Variants in CDH8 observed in about 807,000 individuals in gnomAD.
CDH8 encodes cadherin-8.
In CDH8, 17 loss-of-function variants were observed where a neutral mutation model predicts 68.1. That is an observed-to-expected ratio of 0.25 (90% CI 0.17 to 0.37). The LOEUF (loss-of-function observed/expected upper bound fraction) is 0.37. Ranked by LOEUF, CDH8 falls within the 10% of genes least tolerant of loss-of-function variation. The probability of loss-of-function intolerance (pLI) is 1.00; values close to 1 mark genes in which losing one functional copy is unlikely to be tolerated. For synonymous variants in CDH8, 372 were observed against 365.1 expected (o/e 1.02, Z -0.21); for missense variants, 763 against 999.3 (o/e 0.76, Z 3.19).
intron 4 of CDH8, among the ~76,000 whole-genome samples, chr16:61,829,984 A>C (rs1234628352): frequency 6.6e-6 from 1 of 151,804 alleles, no homozygotes; most frequent in African/African-American, 2.4e-5. Context: ...ATATTACTTA[A>C]CTTTACTATT....
At chr16:61,779,733 C>T (rs1960998829) in intron 8 of CDH8, among the ~76,000 whole-genome samples, 1 of 152,114 alleles carries the variant, frequency 6.6e-6, no homozygotes, top group Non-Finnish European at 1.5e-5. Flanking sequence ...TTCCAAAGTT[C>T]TGCTATGTTT....
chr16:61,739,684 T>C (rs967541552), intron 8 of CDH8, among the ~76,000 whole-genome samples: 1 of 147,458 alleles, frequency 6.8e-6, no homozygotes, highest in African/African-American at 2.5e-5. Context: ...AACGAAATCA[T>C]GCCACTACAC....
At chr16:61,873,871 C>T (rs1483060831) in intron 3 of CDH8, among the ~76,000 whole-genome samples, 4 of 152,116 alleles carry the variant, frequency 2.6e-5, no homozygotes, top group Admixed American at 6.5e-5. Context: ...GCCTGATCAA[C>T]ATGGTGAAAC....
chr16:61,776,085 G>T (rs1389081895), intron 8 of CDH8, among the ~76,000 whole-genome samples: 8 of 152,088 alleles, frequency 5.3e-5, no homozygotes, highest in Non-Finnish European at 1.0e-4. Flanking sequence ...CAAGCACCAG[G>T]TTTCATCTGG....
At chr16:61,883,198 C>G (rs1338869502) in intron 3 of CDH8, among the ~76,000 whole-genome samples, 1 of 152,110 alleles carries the variant, frequency 6.6e-6, no homozygotes, top group African/African-American at 2.4e-5. Flanking sequence ...TTTTGTATAG[C>G]ATGTTGCCCA....
intron 8 of CDH8, among the ~76,000 whole-genome samples, chr16:61,766,819 T>G (rs1960608804): frequency 6.6e-6 from 1 of 151,994 alleles, no homozygotes; most frequent in African/African-American, 2.4e-5. Flanking sequence ...TGTTAGGAAA[T>G]TATGCTAAAA....
intron 4 of CDH8, among the ~76,000 whole-genome samples, chr16:61,842,537 A>T (rs1962709301): frequency 6.6e-6 from 1 of 152,118 alleles, no homozygotes; most frequent in African/African-American, 2.4e-5. Context: ...GTTTATTATA[A>T]ATTATCCAGT....
At chr16:61,843,628 AAC>A (rs1962734714) in intron 4 of CDH8, among the ~76,000 whole-genome samples, 1 of 152,190 alleles carries the variant, frequency 6.6e-6, no homozygotes, top group African/African-American at 2.4e-5. Flanking sequence ...CTCTCTCAGA[AAC>A]AGTGACCACT....
At chr16:61,872,885 G>A (rs1176488207) in intron 3 of CDH8, among the ~76,000 whole-genome samples, 1 of 152,178 alleles carries the variant, frequency 6.6e-6, no homozygotes. Context: ...AGAAGGCACA[G>A]AAGCAAGAAG....
chr16:61,660,088 A>G (rs1389633240), intron 10 of CDH8, among the ~76,000 whole-genome samples: 2 of 152,166 alleles, frequency 1.3e-5, no homozygotes, highest in Non-Finnish European at 2.9e-5. Context: ...GTGAAACATC[A>G]TGGGTTTAAT....
chr16:62,027,137 GT>G (rs1902215379), intron 1 of CDH8, among the ~76,000 whole-genome samples: 1 of 152,142 alleles, frequency 6.6e-6, no homozygotes, highest in Non-Finnish European at 1.5e-5. Flanking sequence ...AGATTTTACA[GT>G]TTCTCTGGAA....
At chr16:61,681,522 G>A (rs1964011900) in intron 10 of CDH8, among the ~76,000 whole-genome samples, 1 of 150,868 alleles carries the variant, frequency 6.6e-6, no homozygotes, top group South Asian at 2.1e-4. Flanking sequence ...AGCTCGTGGT[G>A]TAAACAGAAA....
intron 2 of CDH8, among the ~76,000 whole-genome samples, chr16:61,941,868 A>C (rs1290841603): frequency 6.6e-6 from 1 of 151,974 alleles, no homozygotes; most frequent in African/African-American, 2.4e-5. Context: ...TAGCATCCTC[A>C]ATTTTCTCTA....
chr16:61,943,071 A>G (rs1365182929), intron 2 of CDH8, among the ~76,000 whole-genome samples: 1 of 152,184 alleles, frequency 6.6e-6, no homozygotes, highest in Non-Finnish European at 1.5e-5. Context: ...CAAAAAGACA[A>G]AATCAAACCA....
intron 2 of CDH8, among the ~76,000 whole-genome samples, chr16:61,905,684 T>C (rs1313577129): frequency 6.6e-6 from 1 of 152,092 alleles, no homozygotes; most frequent in East Asian, 1.9e-4. Flanking sequence ...GTAAGAGCCA[T>C]GCTAAGAGAG....
At chr16:61,726,545 T>C (rs1010014721) in intron 9 of CDH8, 2 of 151,058 alleles carry the variant, frequency 1.3e-5, no homozygotes, top group African/African-American at 4.9e-5. Flanking sequence ...GACCCATCTA[T>C]GCAATATGAG....
chr16:61,779,110 A>G (rs1341247762), intron 8 of CDH8, among the ~76,000 whole-genome samples: 1 of 152,178 alleles, frequency 6.6e-6, no homozygotes, highest in East Asian at 1.9e-4. Flanking sequence ...CAGGTAACCA[A>G]TAGTCATGTA....
chr16:61,692,263 T>C (rs1024193502), intron 10 of CDH8: 5 of 152,180 alleles, frequency 3.3e-5, no homozygotes, highest in African/African-American at 1.2e-4. Flanking sequence ...GATTTTTACC[T>C]CTGTCTGTGG....
At chr16:61,702,119 T>C (rs1175420851) in intron 10 of CDH8, among the ~76,000 whole-genome samples, 4 of 152,196 alleles carry the variant, frequency 2.6e-5, no homozygotes, top group Non-Finnish European at 5.9e-5. Flanking sequence ...ACTCCTGTAA[T>C]CTCAGCAGTT....
Sources: gnomAD v4.1 joint callset for allele counts (sites outside exome capture counted in the v4.1 genomes callset) on GRCh38, gnomAD v4.1.1 for gene constraint, MANE v1.5 for transcripts, NCBI Gene and HGNC (gene_info 2026-07-23, HGNC 2026-07-21) for gene names.